SULT2A1: variants seen among roughly 807,000 people sequenced by gnomAD.
The protein encoded by SULT2A1 is sulfotransferase 2A1.
In SULT2A1, 43 loss-of-function variants were observed where a neutral mutation model predicts 33.9. That is an observed-to-expected ratio of 1.27 (90% CI 1.00 to 1.64). SULT2A1 has a LOEUF of 1.64. SULT2A1 is among the 40% of genes most tolerant of loss of function. The pLI, the probability that SULT2A1 is intolerant of heterozygous loss-of-function variation, is 0.00. For missense variants in SULT2A1, 300 were observed against 335.1 expected (o/e 0.90, Z 0.82); for synonymous variants, 125 against 113.6 (o/e 1.10, Z -0.64).
At chr19:47,885,808 A>T (rs1188664409) in intron 1 of SULT2A1, among the ~76,000 whole-genome samples, 1 of 151,892 alleles carries the variant, frequency 6.6e-6, no homozygotes, top group East Asian at 1.9e-4. Context: ...TTTAAATGCT[A>T]TTTCTTCTTT....
At chr19:47,884,768 C>T (rs116739889) in intron 1 of SULT2A1, among the ~76,000 whole-genome samples, 2,662 of 140,468 alleles carry the variant, frequency 0.019, 65 homozygotes, top group African/African-American at 0.068. Context: ...AGCACTGGGA[C>T]TGTAGGCGTG....
chr19:47,873,923 C>T (rs1311335421), intron 5 of SULT2A1, among the ~76,000 whole-genome samples: 2 of 151,528 alleles, frequency 1.3e-5, no homozygotes, highest in African/African-American at 4.8e-5. Context: ...GCACCCGGCC[C>T]ATCCAGGACA....
Position 47,871,311 on chromosome 19 carries a change from G to A in SULT2A1, c.*144C>T. ...GGCCAACCCTGGTAACTTTTAACAA[G>A]GAAGGGATCAGAGATGCAGAGGTTT... On this transcript the variant is annotated 3_prime_UTR_variant, in exon 6 of 6. Coordinates refer to ENST00000222002, the MANE Select transcript of SULT2A1 (RefSeq NM_003167.4). 4.5e-6 allele frequency: 3 copies of A among 674,152 alleles called. No individual in the cohort carries two copies. The highest frequency in any genetic ancestry group is 2.0e-5 in the South Asian group (1 of 49,784). 41.8% of individuals were successfully genotyped at this position (674,152 alleles called of 1,614,324 possible).
chr19:47,871,604 C>T, intron 5 of SULT2A1, 37 bp from the exon 6 acceptor site: 1 of 1,396,072 alleles, frequency 7.2e-7, no homozygotes, highest in Non-Finnish European at 1.0e-6. Flanking sequence ...TCAGACCACA[C>T]ATCTCCTTGA....
At chr19:47,880,745 C>A (rs528084661) in intron 3 of SULT2A1, among the ~76,000 whole-genome samples, 6 of 151,990 alleles carry the variant, frequency 3.9e-5, no homozygotes, top group Non-Finnish European at 7.4e-5. Flanking sequence ...TGCCACCACA[C>A]TCGGCTAATT....
intron 1 of SULT2A1, among the ~76,000 whole-genome samples, chr19:47,884,912 A>G (rs1968641312): frequency 7.0e-6 from 1 of 142,618 alleles, no homozygotes; most frequent in South Asian, 2.2e-4. Flanking sequence ...TCCTGGGTTC[A>G]AGTGATTCTC....
chr19:47,885,326 G>A (rs960403780), intron 1 of SULT2A1, among the ~76,000 whole-genome samples: 4 of 152,112 alleles, frequency 2.6e-5, no homozygotes, highest in African/African-American at 9.7e-5. Flanking sequence ...CCTTATGTAA[G>A]TGGAATCACA....
chr19:47,886,074 C>T (rs752832401), intron 1 of SULT2A1, 48 bp downstream of exon 1: 3 of 1,599,942 alleles, frequency 1.9e-6, no homozygotes, highest in Non-Finnish European at 2.6e-6. Context: ...ACTGAATGGA[C>T]AGGAACACAA....
intron 1 of SULT2A1, among the ~76,000 whole-genome samples, chr19:47,885,553 C>G (rs1355242277): frequency 1.3e-5 from 2 of 152,128 alleles, no homozygotes; most frequent in Admixed American, 1.3e-4. Flanking sequence ...TTATTATGTT[C>G]CCATTGCTCT....
At position 47,871,436 on chromosome 19, in the gene SULT2A1, A is replaced by G; in HGVS notation, c.*19T>C. ...GAATCAATGTCATTCTCCATATAAG[A>G]TCCAGAGTGTTTTGGACGTTATTCC... On this transcript the variant is annotated 3_prime_UTR_variant, in exon 6 of 6. Transcript: ENST00000222002. 2 of 1,557,160 alleles carry G rather than the reference A, an allele frequency of 1.3e-6. No homozygotes were observed. Among genetic ancestry groups the G allele is most frequent in the Non-Finnish European group, 1.8e-6 (2 of 1,128,310 alleles).
intron 5 of SULT2A1, 21 bp downstream of exon 5, chr19:47,874,636 A>C: frequency 6.2e-7 from 1 of 1,605,156 alleles, no homozygotes; most frequent in East Asian, 2.2e-5. Context: ...TATATTTGGA[A>C]ACCAGAGGAT....
intron 4 of SULT2A1, among the ~76,000 whole-genome samples, chr19:47,877,161 C>T (rs1202737769): frequency 6.6e-6 from 1 of 151,262 alleles, no homozygotes; most frequent in African/African-American, 2.4e-5. Context: ...GGTGTTGGGA[C>T]GTGACGTTTC....
chr19:47,881,999 G>A, intron 3 of SULT2A1, 85 bp downstream of exon 3: 6 of 1,558,204 alleles, frequency 3.9e-6, no homozygotes, highest in Non-Finnish European at 5.2e-6. Flanking sequence ...CCCATGGGTT[G>A]GTGAGATGTA....
At position 47,876,478 on chromosome 19, in the gene SULT2A1, C is replaced by T. The variant is rs62531014; in HGVS notation, c.568-1644G>A. ...ACTAAAATAAGTTCATTGTGTGATC[C>T]GAAAGGAAGATCCCAGGAAGGTATG... On this transcript the variant is annotated intron_variant, in intron 4 of 5. Coordinates refer to ENST00000222002, the MANE Select transcript of SULT2A1 (RefSeq NM_003167.4). Among the ~76,000 whole-genome samples, 144 of 151,952 alleles carry T rather than the reference C, an allele frequency of 9.5e-4. 1 individual carries two copies. The East Asian group carries it at 0.017, about 18-fold the overall frequency.
intron 1 of SULT2A1, among the ~76,000 whole-genome samples, chr19:47,884,046 G>A (rs1381398303): frequency 4.6e-5 from 7 of 150,722 alleles, no homozygotes; most frequent in South Asian, 4.2e-4. Flanking sequence ...CGGAGGTTGC[G>A]GTGAGCCGAG....
chr19:47,871,485 A>C lies in SULT2A1; in HGVS notation c.828T>G (p.Asp276Glu). The C allele has an allele frequency of 6.2e-7, 1 of 1,614,052 alleles. No individual in the cohort carries two copies. Among genetic ancestry groups the C allele is most frequent in the Non-Finnish European group, 8.5e-7 (1 of 1,179,992 alleles). Residue 276 changes from aspartate (D) to glutamate (E), a missense_variant, in exon 6 of 6, where the codon GAT becomes GAG. By Grantham distance (45) the Asp-to-Glu change is conservative. Transcript: ENST00000222002. ...CCCATGGGAACAGCTCTCGAGGAAG[A>C]TCTGCCATCTTCTCTTGGAACAATT... ...FDKLFQEKMA[D>E]LPRELFPWE
At position 47,886,304 on chromosome 19, in the gene SULT2A1, C is replaced by T. The variant is rs186952835; in HGVS notation, c.-47G>A. Reference sequence around the variant, plus strand: ...GGTGTGAGGGTTTCAACTGTAGCCACCGCTGGAGGCTGTGGCAGCTACAGG... The same window carrying T: ...GGTGTGAGGGTTTCAACTGTAGCCATCGCTGGAGGCTGTGGCAGCTACAGG... On this transcript the variant is annotated 5_prime_UTR_variant, in exon 1 of 6. In the 5' UTR this introduces an upstream ATG that the reference lacks. Transcript: ENST00000222002. 1 of 1,603,666 alleles carries T rather than the reference C, an allele frequency of 6.2e-7. No individual in the cohort carries two copies. The highest frequency in any genetic ancestry group is 2.2e-5 in the East Asian group (1 of 44,704).
rs750010336 is a variant in SULT2A1, at chr19:47,886,193, GT to G, written c.64del (p.Thr22ProfsTer2). ...GAACTCATCACGTACTTTTCTTAAG[GT>G]TTCGGATCTGAAACCCATAGTAGGG... ...AFPTMGFRSE[T>X]LRKVRDEFVI... On this transcript the variant is annotated frameshift_variant, in exon 1 of 6. Coordinates refer to ENST00000222002, the MANE Select transcript of SULT2A1 (RefSeq NM_003167.4). LOFTEE classifies it high-confidence loss of function. 43 of 1,613,894 alleles carry G rather than the reference GT, an allele frequency of 2.7e-5. 1 individual carries two copies. In the South Asian group the frequency reaches 4.7e-4, roughly 18 times the overall value.
At chr19:47,884,429 C>T (rs1342208851) in intron 1 of SULT2A1, among the ~76,000 whole-genome samples, 10 of 151,116 alleles carry the variant, frequency 6.6e-5, no homozygotes, top group South Asian at 2.1e-4. Context: ...CTGCCTGCCT[C>T]GGCCTCCCCA....
Sources: allele counts gnomAD v4.1 joint callset (sites outside exome capture counted in the v4.1 genomes callset), GRCh38; gene constraint gnomAD v4.1.1; transcripts MANE v1.5; gene names NCBI Gene and HGNC (gene_info 2026-07-23, HGNC 2026-07-21).